Variants in ANKAR observed in about 807,000 individuals in gnomAD.
ANKAR encodes ankyrin and armadillo repeat-containing protein.
Under a neutral mutation model 146.2 loss-of-function variants are expected in ANKAR, and 136 were observed. The ratio of observed to expected loss-of-function variants is 0.93; its 90% CI spans 0.81 to 1.07. The LOEUF is 1.07. Ranked by LOEUF, ANKAR falls within the 50% of genes least tolerant of loss-of-function variation. The pLI is 0.00. For missense variants in ANKAR, 1,567 were observed against 1,679.9 expected (o/e 0.93, Z 1.18); for synonymous variants, 500 against 575.8 (o/e 0.87, Z 1.88).
intron 4 of ANKAR, 151 bp downstream of exon 4, chr2:189,692,569 C>T (rs986673801): frequency 3.1e-6 from 2 of 654,946 alleles, no homozygotes; most frequent in Admixed American, 3.6e-5. Context: ...ATTATTTTAA[C>T]ATCAATGAAT....
intron 18 of ANKAR, among the ~76,000 whole-genome samples, chr2:189,738,327 A>G (rs1268956322): frequency 6.6e-6 from 1 of 152,070 alleles, no homozygotes; most frequent in Non-Finnish European, 1.5e-5. Context: ...AAAGGGTGCA[A>G]AAGTTGCAAA....
intron 8 of ANKAR, among the ~76,000 whole-genome samples, chr2:189,706,216 C>T (rs753411772): frequency 3.3e-5 from 5 of 151,636 alleles, no homozygotes; most frequent in African/African-American, 4.8e-5. Context: ...GGCAAAACCC[C>T]GTCTCTACTA....
chr2:189,696,448 G>C (rs1283678698), intron 7 of ANKAR, 79 bp downstream of exon 7: 2 of 1,399,092 alleles, frequency 1.4e-6, no homozygotes, highest in East Asian at 2.4e-5. Flanking sequence ...GTTGATTTTA[G>C]AGCAGGTTAA....
At chr2:189,733,344 C>T (rs979689958) in intron 17 of ANKAR, 115 bp downstream of exon 17, 77 of 898,584 alleles carry the variant, frequency 8.6e-5, no homozygotes, top group Non-Finnish European at 1.1e-4. Context: ...TAAGAAAAGA[C>T]ATGTAAAAGA....
intron 12 of ANKAR, among the ~76,000 whole-genome samples, chr2:189,723,932 C>A (rs1370761389): frequency 6.6e-6 from 1 of 152,034 alleles, no homozygotes; most frequent in Non-Finnish European, 1.5e-5. Flanking sequence ...GAATTTGGGT[C>A]CAAATGAGAA....
chr2:189,754,606 T>C, intron 18 of ANKAR: 1 of 431,516 alleles, frequency 2.3e-6, no homozygotes, highest in Admixed American at 4.1e-5. Context: ...GGGCTTGAAG[T>C]TGACAATAAC....
Position 189,720,218 on chromosome 2 carries a change from T to G in ANKAR, c.2467-401T>G, listed in dbSNP as rs114022472. 4.1e-3 allele frequency among the ~76,000 whole-genome samples: 623 copies of G among 152,298 alleles called. 1 individual carries two copies. The highest frequency in any genetic ancestry group is 6.8e-3 in the Non-Finnish European group (464 of 68,014). ...CACTCATTCTCTCCCAAATAGTTAT[T>G]TACAGCAAGAAAGATTACAGACTTG... On this transcript the variant is annotated intron_variant, in intron 11 of 22. Transcript: ENST00000684021.
chr2:189,720,561 A>G (rs2041126156), intron 11 of ANKAR, 58 bp from the exon 12 acceptor site: 1 of 1,220,154 alleles, frequency 8.2e-7, no homozygotes, highest in East Asian at 3.0e-5. Context: ...GTATTTCTAA[A>G]TAAAGATTAC....
chr2:189,685,965 C>T (rs1269940751), intron 2 of ANKAR, among the ~76,000 whole-genome samples: 1 of 152,134 alleles, frequency 6.6e-6, no homozygotes, highest in African/African-American at 2.4e-5. Flanking sequence ...TGCACCATGG[C>T]CTGTCCTTCA....
At chr2:189,751,025 A>G (rs986871737), downstream of ANKAR, among the ~76,000 whole-genome samples, 1 of 152,244 alleles carries the variant, frequency 6.6e-6, no homozygotes, top group African/African-American at 2.4e-5. Flanking sequence ...ACCTGTATCC[A>G]TTCACATTTT....
intron 12 of ANKAR, among the ~76,000 whole-genome samples, chr2:189,721,802 C>T (rs1418208864): frequency 6.6e-6 from 1 of 152,128 alleles, no homozygotes; most frequent in Non-Finnish European, 1.5e-5. Context: ...GCTTCCTCTT[C>T]CAGTTCACCA....
intron 18 of ANKAR, chr2:189,753,907 A>G: frequency 6.2e-7 from 1 of 1,611,884 alleles, no homozygotes. Flanking sequence ...AAAATGAGAT[A>G]AAACTTACCA....
At chr2:189,750,668 G>A, downstream of ANKAR, 1 of 1,559,794 alleles carries the variant, frequency 6.4e-7, no homozygotes, top group Non-Finnish European at 8.7e-7. Context: ...TACATCATAA[G>A]CAGACAAATC....
intron 18 of ANKAR, chr2:189,754,533 C>A: frequency 3.6e-6 from 2 of 561,160 alleles, no homozygotes; most frequent in Non-Finnish European, 3.1e-6. Flanking sequence ...CTTATGATGA[C>A]CCGAACAATA....
At chr2:189,682,947 T>C (rs1195515070) in intron 2 of ANKAR, among the ~76,000 whole-genome samples, 7 of 152,182 alleles carry the variant, frequency 4.6e-5, no homozygotes, top group Non-Finnish European at 1.0e-4. Context: ...AATTCAAATG[T>C]TGAAACCTAA....
rs568168493 is a variant in ANKAR at position 189,703,986 on chromosome 2, G to A, written c.1709-1037G>A. ...CCTCAACACTTGGGGATTACAATTC[G>A]AGATGAGATTTGGGTGGGGACACAG... On this transcript the variant is annotated intron_variant, in intron 7 of 22. Coordinates refer to ENST00000684021, the MANE Select transcript of ANKAR (RefSeq NM_001378068.1). Among the ~76,000 whole-genome samples, 39 of 152,172 alleles carry A rather than the reference G, an allele frequency of 2.6e-4. No individual in the cohort carries two copies. In the South Asian group the frequency reaches 4.8e-3, roughly 19 times the overall value.
chr2:189,758,795 C>T (rs990990820), intron 18 of ANKAR, among the ~76,000 whole-genome samples: 1 of 152,300 alleles, frequency 6.6e-6, no homozygotes, highest in South Asian at 2.1e-4. Context: ...TATACATACA[C>T]AAGCAAATGT....
rs551712946 is a variant in ANKAR, at chr2:189,754,758, TG to T, written c.*585-6332del. Reference sequence around the variant, plus strand: ...TGTAGTATTCTAAAACAAAGGGGGGTGGGGGGGGACCCTGTCTGTGGTGTAA... The same window carrying T: ...TGTAGTATTCTAAAACAAAGGGGGGTGGGGGGGACCCTGTCTGTGGTGTAA... On this transcript the variant is annotated intron_variant and NMD_transcript_variant, in intron 18 of 18. Transcript: ENST00000441800. 28 of 139,566 alleles carry T rather than the reference TG, an allele frequency of 2.0e-4. 1 individual carries two copies. The highest frequency in any genetic ancestry group is 3.4e-4 in the African/African-American group (4 of 11,802). 8.6% of individuals were successfully genotyped at this position (139,566 alleles called of 1,614,324 possible).
At chr2:189,706,014 T>C (rs2038887003) in intron 8 of ANKAR, among the ~76,000 whole-genome samples, 1 of 151,326 alleles carries the variant, frequency 6.6e-6, no homozygotes, top group Non-Finnish European at 1.5e-5. Flanking sequence ...CAGCTTCCTC[T>C]TGTTGCTCTT....
Sources: allele counts gnomAD v4.1 joint callset (sites outside exome capture counted in the v4.1 genomes callset), GRCh38; gene constraint gnomAD v4.1.1; transcripts MANE v1.5; gene names NCBI Gene and HGNC (gene_info 2026-07-23, HGNC 2026-07-21).